Variants in ZNF564 observed in about 807,000 individuals in gnomAD.
The protein encoded by ZNF564 is zinc finger protein 564.
In ZNF564, 5 loss-of-function variants were observed where a neutral mutation model predicts 10.5. That is an observed-to-expected ratio of 0.48 (90% CI 0.25 to 1.00). The LOEUF (loss-of-function observed/expected upper bound fraction) is 1.00. Among genes scored for constraint, ZNF564 ranks in the 50% least tolerant of loss-of-function variants. The pLI is 0.16. For synonymous variants in ZNF564, 242 were observed against 218.1 expected (o/e 1.11, Z -0.97); for missense variants, 603 against 669.7 (o/e 0.90, Z 1.10).
chr19:12,528,295 G>A lies in ZNF564; in HGVS notation c.191+9C>T, dbSNP rs894891349. 49 of 1,606,168 alleles carry A rather than the reference G, an allele frequency of 3.1e-5. No homozygotes were observed. Among genetic ancestry groups the A allele is most frequent in the Non-Finnish European group, 3.7e-5 (43 of 1,177,596 alleles). ...GGAGACATTGCTTTATCTTGTCAGT[G>A]CAAATTACCTTAAAATTCTCCCCTG... On this transcript the variant is annotated intron_variant, in intron 3 of 3. Transcript: ENST00000339282.
intron 1 of ZNF564, among the ~76,000 whole-genome samples, chr19:12,537,953 A>G (rs1225213924): frequency 6.6e-6 from 1 of 151,990 alleles, no homozygotes; most frequent in Non-Finnish European, 1.5e-5. Flanking sequence ...GTGAACAGGA[A>G]AAAATTTCCT....
At chr19:12,535,144 C>T (rs1050981161) in intron 1 of ZNF564, among the ~76,000 whole-genome samples, 2 of 151,570 alleles carry the variant, frequency 1.3e-5, no homozygotes, top group Non-Finnish European at 2.9e-5. Flanking sequence ...GAGGCAGAGG[C>T]GGGAGGATCA....
At chr19:12,547,676 T>G (rs1486761334) in intron 1 of ZNF564, among the ~76,000 whole-genome samples, 2 of 152,194 alleles carry the variant, frequency 1.3e-5, no homozygotes, top group African/African-American at 2.4e-5. Context: ...AAGGCTGGGA[T>G]GCCTGCCAAG....
chr19:12,550,521 C>T (rs2861411), intron 1 of ZNF564: 148,510 of 265,482 alleles, frequency 0.56, 42,915 homozygotes, highest in Middle Eastern at 0.64. Context: ...CCGGTCGTGG[C>T]GGCGCATGCC....
At chr19:12,548,816 A>G in intron 1 of ZNF564, 1 of 702,954 alleles carries the variant, frequency 1.4e-6, no homozygotes, top group South Asian at 1.5e-5. Context: ...ACCAAAGTCC[A>G]GATGAAAGGA....
At chr19:12,535,999 G>A (rs1454864665) in intron 1 of ZNF564, among the ~76,000 whole-genome samples, 6 of 137,796 alleles carry the variant, frequency 4.4e-5, no homozygotes, top group African/African-American at 5.3e-5. Flanking sequence ...GCGACAGAGC[G>A]TGACTCCGTC....
At position 12,551,428 on chromosome 19, in the gene ZNF564, C is replaced by T; in HGVS notation, c.-96G>A. 6.9e-7 allele frequency: 1 copy of T among 1,459,162 alleles called. No homozygotes were observed. The highest frequency in any genetic ancestry group is 1.3e-5 in the South Asian group (1 of 74,816). The allele number at this position is 1,459,162 out of a possible 1,614,324, so 90.4% of individuals were successfully genotyped here. A position where few individuals can be genotyped will look rare whatever the true frequency, so the allele number is the denominator to read the frequency against. Reference sequence around the variant, plus strand: ...AGACGCTGCGGTGGAGCCACCGGGGCCACTGGAGAAGCGGAGACCGGAACC... The same window carrying T: ...AGACGCTGCGGTGGAGCCACCGGGGTCACTGGAGAAGCGGAGACCGGAACC... On this transcript the variant is annotated 5_prime_UTR_variant, in exon 1 of 4. Transcript: ENST00000339282.
chr19:12,537,706 C>T lies in ZNF564; in HGVS notation c.4-9010G>A, dbSNP rs540423191. On this transcript the variant is annotated intron_variant, in intron 1 of 3. Coordinates refer to ENST00000339282, the MANE Select transcript of ZNF564 (RefSeq NM_144976.4). ...TGAGCCGAGATTTCGCCATTGCACT[C>T]CCGCCTGGGCAACAAGAGTGAAACT... 2.0e-5 allele frequency among the ~76,000 whole-genome samples: 3 copies of T among 150,906 alleles called. No homozygotes were observed. The South Asian group carries it at 6.3e-4, about 32-fold the overall frequency.
chr19:12,546,535 G>A (rs2022157620), intron 1 of ZNF564, among the ~76,000 whole-genome samples: 1 of 152,022 alleles, frequency 6.6e-6, no homozygotes, highest in Non-Finnish European at 1.5e-5. Context: ...AGATCATCCT[G>A]GCTAACACGG....
At chr19:12,529,911 G>A (rs1176771966) in intron 1 of ZNF564, 1 of 150,774 alleles carries the variant, frequency 6.6e-6, no homozygotes, top group Admixed American at 6.6e-5. Context: ...TTGAGACCAG[G>A]AGGCGGACGT....
rs1226023108 is a variant in ZNF564, at chr19:12,551,344, C to G, written c.-12G>C. ...CGCACACGCACCATTTCCTGGCTTC[C>G]AGGGTGTCCCGGGGTCCTGCCTACG... is the stretch of plus-strand genomic sequence containing the variant. On this transcript the variant is annotated 5_prime_UTR_variant, in exon 1 of 4. Coordinates refer to ENST00000339282, the MANE Select transcript of ZNF564 (RefSeq NM_144976.4). The G allele has an allele frequency of 2.5e-6, 4 of 1,605,458 alleles. No homozygotes were observed. In the East Asian group the frequency reaches 9.0e-5, roughly 36 times the overall value.
At chr19:12,533,941 G>A (rs958764281) in intron 1 of ZNF564, among the ~76,000 whole-genome samples, 9 of 149,334 alleles carry the variant, frequency 6.0e-5, no homozygotes, top group African/African-American at 2.2e-4. Flanking sequence ...CTCTAGTCAT[G>A]GTAAGAAAAA....
At chr19:12,542,316 A>C (rs1424542558) in intron 1 of ZNF564, among the ~76,000 whole-genome samples, 9 of 151,238 alleles carry the variant, frequency 6.0e-5, no homozygotes, top group South Asian at 4.2e-4. Flanking sequence ...CTCAAAAAAA[A>C]AAAAAAAAAA....
chr19:12,528,991 G>T (rs1006731908), intron 1 of ZNF564, among the ~76,000 whole-genome samples: 1 of 152,180 alleles, frequency 6.6e-6, no homozygotes, highest in Non-Finnish European at 1.5e-5. Context: ...CTTAAACAAG[G>T]GAGGCAGAGG....
chr19:12,545,278 A>G (rs536713040), intron 1 of ZNF564, among the ~76,000 whole-genome samples: 45 of 151,660 alleles, frequency 3.0e-4, no homozygotes, highest in East Asian at 1.2e-3. Context: ...AAAAAAAAAA[A>G]AAAAGAAATG....
intron 1 of ZNF564, among the ~76,000 whole-genome samples, chr19:12,529,410 C>T (rs2021756023): frequency 6.6e-6 from 1 of 151,778 alleles, no homozygotes; most frequent in African/African-American, 2.4e-5. Flanking sequence ...TTGAGACCAG[C>T]CTGACCAACA....
intron 1 of ZNF564, among the ~76,000 whole-genome samples, chr19:12,541,162 G>C (rs2022041776): frequency 6.6e-6 from 1 of 151,274 alleles, no homozygotes; most frequent in African/African-American, 2.4e-5. Flanking sequence ...GAGGGAGGAG[G>C]ATCACCTGAG....
In ZNF564 at chr19:12,527,325, G is replaced by C; in HGVS notation, c.783C>G (p.Ala261=). 6.2e-7 allele frequency: 1 copy of C among 1,613,924 alleles called. No individual in the cohort carries two copies. Among genetic ancestry groups the C allele is most frequent in the Non-Finnish European group, 8.5e-7 (1 of 1,179,974 alleles). The change falls in exon 4 of 4, where the codon GCC becomes GCG. Residue 261 remains alanine, a synonymous_variant. Transcript: ENST00000339282. ...TTCGAAATAAACTGGGGCGGTCAAA[G>C]GCTTTTCCACATTCCTGACATTTAT... The part of the protein sequence containing the change: ...GPYKCQECGK[A]FDRPSLFRIH...
intron 3 of ZNF564, 29 bp from the exon 4 acceptor site, chr19:12,527,945 G>T: frequency 1.3e-6 from 2 of 1,546,822 alleles, no homozygotes; most frequent in South Asian, 2.5e-5. Context: ...AAGATTTAGT[G>T]GTTTGTGACT....
Sources: gnomAD v4.1 joint callset for allele counts (sites outside exome capture counted in the v4.1 genomes callset) on GRCh38, gnomAD v4.1.1 for gene constraint, MANE v1.5 for transcripts, NCBI Gene and HGNC (gene_info 2026-07-23, HGNC 2026-07-21) for gene names.